PCDH15: variants seen among roughly 807,000 people sequenced by gnomAD.
PCDH15 encodes the protein protocadherin related 15.
In PCDH15, 129 loss-of-function variants were observed where a neutral mutation model predicts 178.5. The observed-to-expected ratio is 0.72, with a 90% CI of 0.63 to 0.84. The LOEUF is 0.84. PCDH15 is among the 40% of genes least tolerant of loss of function. The pLI is 0.00. For synonymous variants in PCDH15, 800 were observed against 732.0 expected, an observed-to-expected ratio of 1.09 and a Z score of -1.50; for missense variants, 2,230 against 2,099.9, an observed-to-expected ratio of 1.06 and a Z score of -1.21.
chr10:55,475,249 C>A (rs577128020), intron 2 of PCDH15, among the ~76,000 whole-genome samples: 1 of 152,172 alleles, frequency 6.6e-6, no homozygotes, highest in Non-Finnish European at 1.5e-5. Context: ...TCCCTTTATG[C>A]CCCATCTTCA....
Position 55,288,690 on chromosome 10 carries a change from G to T in PCDH15, c.-156+30909C>A, listed in dbSNP as rs1294103506. On this transcript the variant is annotated intron_variant, in intron 1 of 5. Transcript: ENST00000458638. ...AATGTTTTCCAGGTTCATCCATGTCGTTACAAATTGCAGGATCTCCTTTTT... is the reference window on the plus strand; with the variant it reads ...AATGTTTTCCAGGTTCATCCATGTCTTTACAAATTGCAGGATCTCCTTTTT... 3.9e-5 allele frequency among the ~76,000 whole-genome samples: 6 copies of T among 151,996 alleles called. No individual in the cohort carries two copies. The East Asian group carries it at 1.2e-3, about 29-fold the overall frequency.
chr10:55,369,069 A>G (rs938408428), intron 2 of PCDH15, among the ~76,000 whole-genome samples: 1 of 151,140 alleles, frequency 6.6e-6, no homozygotes, highest in East Asian at 1.9e-4. Context: ...TCATAGTCAG[A>G]AGGTCAATTC....
intron 2 of PCDH15, among the ~76,000 whole-genome samples, chr10:55,163,789 T>G (rs2132115691): frequency 6.6e-6 from 1 of 152,238 alleles, no homozygotes; most frequent in South Asian, 2.1e-4. Context: ...TTGCCCTATA[T>G]GGTCTAAAAC....
intron 2 of PCDH15, among the ~76,000 whole-genome samples, chr10:55,616,805 G>A (rs1843488636): frequency 6.6e-6 from 1 of 152,108 alleles, no homozygotes; most frequent in Admixed American, 6.6e-5. Flanking sequence ...CTACAATAGT[G>A]AGTATGGTGG....
intron 6 of PCDH15, among the ~76,000 whole-genome samples, chr10:54,342,518 G>A (rs1942433666): frequency 6.6e-6 from 1 of 152,194 alleles, no homozygotes; most frequent in Admixed American, 6.5e-5. Flanking sequence ...CTGCTGCAGG[G>A]GTGGAGCCCT....
intron 19 of PCDH15, among the ~76,000 whole-genome samples, chr10:54,022,226 A>G (rs2092944478): frequency 6.6e-6 from 1 of 152,066 alleles, no homozygotes; most frequent in Admixed American, 6.6e-5. Context: ...CTGAATCAAA[A>G]TGTTCAGGAC....
intron 1 of PCDH15, among the ~76,000 whole-genome samples, chr10:55,301,137 G>T (rs1202389564): frequency 6.6e-6 from 1 of 152,128 alleles, no homozygotes; most frequent in Non-Finnish European, 1.5e-5. Context: ...GTGCTGTAAT[G>T]TATCATATGA....
At chr10:54,052,216 C>G (rs1013925528) in intron 18 of PCDH15, among the ~76,000 whole-genome samples, 1 of 152,186 alleles carries the variant, frequency 6.6e-6, no homozygotes, top group Non-Finnish European at 1.5e-5. Context: ...AGAAGAGGGC[C>G]ACCATCCTCC....
intron 2 of PCDH15, among the ~76,000 whole-genome samples, chr10:55,337,632 T>A (rs539006668): frequency 7.9e-5 from 12 of 152,104 alleles, no homozygotes; most frequent in Non-Finnish European, 1.2e-4. Flanking sequence ...GGTAAAAAAA[T>A]TCAAAGGTAC....
At chr10:54,449,884 G>A (rs955596774) in intron 3 of PCDH15, among the ~76,000 whole-genome samples, 8 of 151,592 alleles carry the variant, frequency 5.3e-5, no homozygotes, top group African/African-American at 1.9e-4. Flanking sequence ...TGGATACTGA[G>A]AGACAAACAT....
At chr10:54,681,684 A>G (rs2094902000) in intron 1 of PCDH15, among the ~76,000 whole-genome samples, 2 of 151,998 alleles carry the variant, frequency 1.3e-5, no homozygotes, top group African/African-American at 4.8e-5. Flanking sequence ...AGTTCATATA[A>G]TTTGTTAGTG....
intron 2 of PCDH15, among the ~76,000 whole-genome samples, chr10:54,580,669 T>C (rs996887976): frequency 6.6e-6 from 1 of 151,988 alleles, no homozygotes; most frequent in Admixed American, 6.6e-5. Flanking sequence ...CAGGCTAATA[T>C]CCATGATGAA....
At chr10:53,853,049 C>T (rs2078489326) in intron 28 of PCDH15, among the ~76,000 whole-genome samples, 1 of 152,038 alleles carries the variant, frequency 6.6e-6, no homozygotes. Context: ...GTTCTTATCA[C>T]TACCACTTCC....
intron 1 of PCDH15, among the ~76,000 whole-genome samples, chr10:55,262,781 G>A (rs1842179896): frequency 6.6e-6 from 1 of 152,156 alleles, no homozygotes; most frequent in South Asian, 2.1e-4. Flanking sequence ...GGTACACCAA[G>A]ACAAGAAATC....
At chr10:54,348,843 C>A (rs1043202622) in intron 5 of PCDH15, among the ~76,000 whole-genome samples, 2 of 152,050 alleles carry the variant, frequency 1.3e-5, no homozygotes, top group Non-Finnish European at 2.9e-5. Context: ...TATCCCAGCC[C>A]CTAGTAACCA....
At chr10:55,200,495 T>C (rs1056313619) in intron 1 of PCDH15, among the ~76,000 whole-genome samples, 2 of 152,130 alleles carry the variant, frequency 1.3e-5, no homozygotes, top group Non-Finnish European at 2.9e-5. Context: ...AATTGCCTTG[T>C]CTCAGATGAG....
At chr10:55,202,257 C>T (rs1452307898) in intron 1 of PCDH15, among the ~76,000 whole-genome samples, 1 of 152,008 alleles carries the variant, frequency 6.6e-6, no homozygotes, top group East Asian at 1.9e-4. Context: ...GATGGCGAGT[C>T]AAAAAGCAGC....
At chr10:54,746,222 G>A (rs919149397) in intron 1 of PCDH15, among the ~76,000 whole-genome samples, 4 of 152,012 alleles carry the variant, frequency 2.6e-5, no homozygotes, top group Non-Finnish European at 4.4e-5. Context: ...GATGATTTGC[G>A]CCCTCCCAGT....
chr10:55,350,995 C>T (rs1323313846), intron 2 of PCDH15, among the ~76,000 whole-genome samples: 1 of 118,044 alleles, frequency 8.5e-6, no homozygotes, highest in African/African-American at 3.4e-5. Flanking sequence ...CCTCCTCCCC[C>T]TGTCTCCTCC....
Sources: allele counts gnomAD v4.1 joint callset (sites outside exome capture counted in the v4.1 genomes callset), GRCh38; gene constraint gnomAD v4.1.1; transcripts MANE v1.5; gene names NCBI Gene and HGNC (gene_info 2026-07-23, HGNC 2026-07-21).